The following NOL10 variants were observed in gnomAD, a reference collection of about 807,000 sequenced individuals.
NOL10 encodes nucleolar protein 10, also known as H_NH0074G24.1.
Under a neutral mutation model 103.5 loss-of-function variants are expected in NOL10, and 58 were observed. The ratio of observed to expected loss-of-function variants is 0.56; its 90% CI spans 0.45 to 0.70. The LOEUF (loss-of-function observed/expected upper bound fraction) is 0.70. Among genes scored for constraint, NOL10 ranks in the 30% least tolerant of loss-of-function variants. The pLI is 0.00. For synonymous variants in NOL10, 287 were observed against 282.5 expected, an observed-to-expected ratio of 1.02 and a Z score of -0.16; for missense variants, 763 against 807.3, an observed-to-expected ratio of 0.95 and a Z score of 0.67.
Position 10,603,037 on chromosome 2 carries a change from A to G in NOL10, c.1233+41T>C, listed in dbSNP as rs1452972036. On this transcript the variant is annotated intron_variant, in intron 15 of 20. Transcript: ENST00000381685. ...GTGAGGAAATGGCCACAGACTGCGC[A>G]TTAGTTACCTGAAACATAATAACTG... is the stretch of plus-strand genomic sequence containing the variant. 5 of 1,488,752 alleles carry G rather than the reference A, an allele frequency of 3.4e-6. No individual in the cohort carries two copies. The East Asian group carries it at 7.0e-5, about 21-fold the overall frequency. 92.2% of individuals were successfully genotyped at this position (1,488,752 alleles called of 1,614,324 possible). A position where few individuals can be genotyped will look rare whatever the true frequency, so the allele number is the denominator to read the frequency against.
Position 10,689,923 on chromosome 2 carries a change from ATCCCGGGACCTCCGAGCCCCTGC to A in NOL10, c.-85_-63del. The A allele has an allele frequency of 6.7e-7, 1 of 1,496,396 alleles. No homozygotes were observed. The highest frequency in any genetic ancestry group is 9.1e-7 in the Non-Finnish European group (1 of 1,095,290). The allele number at this position is 1,496,396 out of a possible 1,614,324, so 92.7% of individuals were successfully genotyped here. A position where few individuals can be genotyped will look rare whatever the true frequency, so the allele number is the denominator to read the frequency against. ...CCCACCAGCGTGCTCGAGCACCGTAATCCCGGGACCTCCGAGCCCCTGCTCCGCGGCGTGCGGCCGCTGGCGCC... is the reference window on the plus strand; with the variant it reads ...CCCACCAGCGTGCTCGAGCACCGTAATCCGCGGCGTGCGGCCGCTGGCGCC... On this transcript the variant is annotated 5_prime_UTR_variant, in exon 1 of 21. Coordinates refer to ENST00000381685, the MANE Select transcript of NOL10 (RefSeq NM_024894.4).
At position 10,637,210 on chromosome 2, in the gene NOL10, A is replaced by C. The variant is rs1429314998; in HGVS notation, c.1026+7110T>G. Among the ~76,000 whole-genome samples, 8 of 150,618 alleles carry C rather than the reference A, an allele frequency of 5.3e-5. No homozygotes were observed. In the East Asian group the frequency reaches 5.8e-4, roughly 11 times the overall value. ...TCTCAAAAAAAAAAAAAAAAAAAAA[A>C]AAACACACACACACACTAAAACCAA... On this transcript the variant is annotated intron_variant, in intron 13 of 20. Coordinates refer to ENST00000381685, the MANE Select transcript of NOL10 (RefSeq NM_024894.4).
At chr2:10,576,258 C>T (rs9973374) in intron 20 of NOL10, among the ~76,000 whole-genome samples, 52,278 of 151,974 alleles carry the variant, frequency 0.34, 9,421 homozygotes, top group Non-Finnish European at 0.4. Flanking sequence ...AACCCTCATA[C>T]GCTGCTTGGT....
chr2:10,584,741 T>C (rs1239002616), intron 19 of NOL10, among the ~76,000 whole-genome samples: 1 of 152,224 alleles, frequency 6.6e-6, no homozygotes, highest in Non-Finnish European at 1.5e-5. Context: ...AGTAAGAATG[T>C]TTAACTTGGT....
intron 2 of NOL10, among the ~76,000 whole-genome samples, chr2:10,684,054 G>A (rs1286655938): frequency 6.6e-6 from 1 of 152,032 alleles, no homozygotes; most frequent in Non-Finnish European, 1.5e-5. Context: ...CAAGGCAGGT[G>A]GATCACCTGA....
chr2:10,675,766 A>G, intron 4 of NOL10, 28 bp downstream of exon 4: 1 of 1,320,556 alleles, frequency 7.6e-7, no homozygotes, highest in South Asian at 1.4e-5. Flanking sequence ...AGCCATTTTC[A>G]TGAATTCAAA....
Position 10,589,586 on chromosome 2 carries a change from G to T in NOL10, c.1588C>A (p.Arg530Ser). 6.4e-7 allele frequency: 1 copy of T among 1,560,830 alleles called. No homozygotes were observed. ...KLRLLEQQEL[R>S]EKEEEEEPEG... is the part of the protein sequence containing the mutation. ...GATAAGGAGTACATTACTTTTTCAC[G>T]AAGTTCTTGTTGCTCTAAGAGTCTT... Residue 530 changes from arginine to serine, a missense_variant, in exon 18 of 21, where the codon CGT becomes AGT. Transcript: ENST00000381685.
At chr2:10,626,211 A>G (rs2148231586) in intron 13 of NOL10, among the ~76,000 whole-genome samples, 1 of 152,242 alleles carries the variant, frequency 6.6e-6, no homozygotes, top group African/African-American at 2.4e-5. Context: ...ACAAATTTTA[A>G]AAGGGTCAAT....
intron 13 of NOL10, among the ~76,000 whole-genome samples, chr2:10,615,924 C>T (rs759736436): frequency 6.6e-6 from 1 of 152,064 alleles, no homozygotes; most frequent in Non-Finnish European, 1.5e-5. Context: ...TGCCACCAGG[C>T]ACAGGTGACT....
chr2:10,590,954 C>T (rs1203736214), intron 17 of NOL10: 1 of 152,198 alleles, frequency 6.6e-6, no homozygotes, highest in African/African-American at 2.4e-5. Flanking sequence ...TGGACTCTGA[C>T]TCTGCTGAAC....
At chr2:10,668,819 C>G (rs1680722815) in intron 6 of NOL10, 96 bp from the exon 7 acceptor site, 1 of 427,782 alleles carries the variant, frequency 2.3e-6, no homozygotes, top group Non-Finnish European at 4.1e-6. Flanking sequence ...TCATAAGCCA[C>G]CACTTCCTTT....
Position 10,682,905 on chromosome 2 carries a change from T to C in NOL10, c.113-836A>G, listed in dbSNP as rs576054746. Among the ~76,000 whole-genome samples, 5 of 152,130 alleles carry C rather than the reference T, an allele frequency of 3.3e-5. No homozygotes were observed. The East Asian group carries it at 7.8e-4, about 24-fold the overall frequency. ...GTTCAAGCAATTCTCCTGCCTCAGCTTCCCAAGTAGCTGGGGCTACAGGCA... is the reference window on the plus strand; with the variant it reads ...GTTCAAGCAATTCTCCTGCCTCAGCCTCCCAAGTAGCTGGGGCTACAGGCA... On this transcript the variant is annotated intron_variant, in intron 2 of 20. Coordinates refer to ENST00000381685, the MANE Select transcript of NOL10 (RefSeq NM_024894.4).
intron 17 of NOL10, among the ~76,000 whole-genome samples, chr2:10,593,329 G>A (rs1213598079): frequency 2.0e-5 from 3 of 152,012 alleles, no homozygotes; most frequent in African/African-American, 4.8e-5. Context: ...TAGTAGAGAC[G>A]GGGTTTCACC....
chr2:10,670,323 A>C (rs1377853694), intron 6 of NOL10, among the ~76,000 whole-genome samples: 1 of 152,204 alleles, frequency 6.6e-6, no homozygotes, highest in Non-Finnish European at 1.5e-5. Flanking sequence ...GGGAAAAAAA[A>C]GGGATATTTC....
chr2:10,651,847 T>C (rs1679485055), intron 12 of NOL10, among the ~76,000 whole-genome samples: 1 of 152,174 alleles, frequency 6.6e-6, no homozygotes, highest in African/African-American at 2.4e-5. Context: ...TTCACTTTAC[T>C]CCCATGATTA....
intron 12 of NOL10, among the ~76,000 whole-genome samples, chr2:10,645,655 TC>T: frequency 6.6e-6 from 1 of 151,526 alleles, no homozygotes; most frequent in African/African-American, 2.4e-5. Context: ...TGCCTCAGCC[TC>T]CCGAGTAGCT....
chr2:10,621,936 C>A (rs1677171364), intron 13 of NOL10: 1 of 398,112 alleles, frequency 2.5e-6, no homozygotes. Context: ...AATAAGGCAG[C>A]CACTAAGCCA....
At chr2:10,688,666 G>A (rs934332356) in intron 1 of NOL10, among the ~76,000 whole-genome samples, 11 of 152,296 alleles carry the variant, frequency 7.2e-5, no homozygotes, top group Non-Finnish European at 2.9e-5. Context: ...ACCTTAAATT[G>A]CCTTATTTGC....
intron 13 of NOL10, among the ~76,000 whole-genome samples, chr2:10,629,375 T>C (rs900500307): frequency 4.7e-5 from 7 of 147,934 alleles, no homozygotes; most frequent in African/African-American, 1.9e-4. Flanking sequence ...AGAAAATATA[T>C]TTTTTAATAA....
Sources: allele counts gnomAD v4.1 joint callset (sites outside exome capture counted in the v4.1 genomes callset), GRCh38; gene constraint gnomAD v4.1.1; transcripts MANE v1.5; gene names NCBI Gene and HGNC (gene_info 2026-07-23, HGNC 2026-07-21).